HDAC9: variants seen among roughly 807,000 people sequenced by gnomAD.
HDAC9 encodes the protein MEF-2 interacting transcription repressor (MITR) protein.
HDAC9 carries 41 observed loss-of-function variants against 139.4 expected under a neutral mutation model. That is an observed-to-expected ratio of 0.29 (90% confidence interval 0.23 to 0.38). HDAC9 has a LOEUF of 0.38. Among genes scored for constraint, HDAC9 ranks in the 10% least tolerant of loss-of-function variants. HDAC9 has a pLI of 1.00. For synonymous variants in HDAC9, 517 were observed against 476.2 expected (o/e 1.09, Z -1.12); for missense variants, 1,147 against 1,297.0 (o/e 0.88, Z 1.78).
intron 2 of HDAC9, among the ~76,000 whole-genome samples, chr7:18,210,191 T>C (rs1275501241): frequency 6.6e-6 from 1 of 152,194 alleles, no homozygotes; most frequent in Non-Finnish European, 1.5e-5. Flanking sequence ...ATCCAGATAT[T>C]CTGTGGTGTT....
intron 2 of HDAC9, among the ~76,000 whole-genome samples, chr7:18,236,660 A>G (rs541881931): frequency 6.6e-6 from 1 of 152,316 alleles, no homozygotes; most frequent in South Asian, 2.1e-4. Flanking sequence ...AAACAGATGA[A>G]GTGAACAGAC....
chr7:18,348,359 A>C (rs538406404), intron 1 of HDAC9, among the ~76,000 whole-genome samples: 2 of 152,300 alleles, frequency 1.3e-5, no homozygotes, highest in South Asian at 4.1e-4. Flanking sequence ...CACTTACTAC[A>C]TGTGTGATTT....
intron 1 of HDAC9, among the ~76,000 whole-genome samples, chr7:18,366,493 G>A (rs1467267058): frequency 6.6e-6 from 1 of 152,066 alleles, no homozygotes; most frequent in Non-Finnish European, 1.5e-5. Context: ...TCTTCCATGG[G>A]TTCTGGTCCT....
intron 16 of HDAC9, among the ~76,000 whole-genome samples, chr7:18,768,458 C>T (rs1009773899): frequency 6.6e-6 from 1 of 152,120 alleles, no homozygotes. Context: ...TTTTGACCAC[C>T]AGCATGGGAC....
intron 1 of HDAC9, among the ~76,000 whole-genome samples, chr7:18,399,318 G>A (rs1003489731): frequency 6.6e-6 from 1 of 151,946 alleles, no homozygotes; most frequent in Non-Finnish European, 1.5e-5. Flanking sequence ...CAAGGGTGAG[G>A]GTTATCCCCA....
At chr7:18,389,207 C>T (rs1398742377) in intron 1 of HDAC9, among the ~76,000 whole-genome samples, 2 of 152,198 alleles carry the variant, frequency 1.3e-5, no homozygotes, top group Admixed American at 6.5e-5. Flanking sequence ...GCCTTTGTTA[C>T]AGTCCCAATT....
chr7:18,835,114 C>G (rs1298705575), intron 19 of HDAC9, among the ~76,000 whole-genome samples: 1 of 152,134 alleles, frequency 6.6e-6, no homozygotes, highest in Non-Finnish European at 1.5e-5. Flanking sequence ...GATTCCATCA[C>G]TGAAGCAAAG....
chr7:18,483,838 A>G (rs1278807133), intron 1 of HDAC9, among the ~76,000 whole-genome samples: 1 of 152,132 alleles, frequency 6.6e-6, no homozygotes, highest in Admixed American at 6.5e-5. Flanking sequence ...ACATTGTGTT[A>G]TTGGCACAGA....
intron 8 of HDAC9, among the ~76,000 whole-genome samples, chr7:18,642,744 T>C (rs1395188698): frequency 6.6e-6 from 1 of 152,112 alleles, no homozygotes; most frequent in Non-Finnish European, 1.5e-5. Flanking sequence ...AGCCAGTGTG[T>C]TGCTGCCATT....
chr7:18,395,616 T>C (rs1786955823), intron 1 of HDAC9, among the ~76,000 whole-genome samples: 1 of 152,066 alleles, frequency 6.6e-6, no homozygotes, highest in Non-Finnish European at 1.5e-5. Flanking sequence ...TCAAGTTTGA[T>C]TATTTTTTCC....
At chr7:18,931,804 G>A (rs936336789) in intron 22 of HDAC9, among the ~76,000 whole-genome samples, 2 of 152,080 alleles carry the variant, frequency 1.3e-5, no homozygotes, top group African/African-American at 4.8e-5. Flanking sequence ...TAAAGACTAT[G>A]ACAATTAAAA....
intron 17 of HDAC9, among the ~76,000 whole-genome samples, chr7:18,795,629 G>A (rs1792733102): frequency 6.6e-6 from 1 of 152,204 alleles, no homozygotes; most frequent in Non-Finnish European, 1.5e-5. Context: ...TCATAACAGA[G>A]GCACTGGTAC....
At chr7:18,561,854 G>GT (rs758668124) in intron 2 of HDAC9, among the ~76,000 whole-genome samples, 4 of 152,206 alleles carry the variant, frequency 2.6e-5, no homozygotes, top group Non-Finnish European at 5.9e-5. Context: ...CAGCAGATGT[G>GT]TATTTGGATT....
intron 2 of HDAC9, among the ~76,000 whole-genome samples, chr7:18,545,345 G>T (rs1469519560): frequency 6.6e-6 from 1 of 151,690 alleles, no homozygotes; most frequent in Non-Finnish European, 1.5e-5. Flanking sequence ...TCAAATACTT[G>T]GTGAATATCA....
intron 1 of HDAC9, among the ~76,000 whole-genome samples, chr7:18,333,246 T>TG (rs1255381379): frequency 9.2e-5 from 14 of 151,468 alleles, no homozygotes; most frequent in Admixed American, 4.6e-4. Flanking sequence ...TACCATTGGA[T>TG]GGGGTGAAGT....
At chr7:18,614,835 G>A (rs1838145478) in intron 6 of HDAC9, among the ~76,000 whole-genome samples, 1 of 152,124 alleles carries the variant, frequency 6.6e-6, no homozygotes, top group Middle Eastern at 3.2e-3. Context: ...TTCTAATTAA[G>A]GGTTTTAGCT....
chr7:18,791,994 A>T (rs1792357448), intron 16 of HDAC9, among the ~76,000 whole-genome samples: 1 of 152,120 alleles, frequency 6.6e-6, no homozygotes, highest in African/African-American at 2.4e-5. Context: ...CCATGATTTT[A>T]CCCCACCAGT....
intron 25 of HDAC9, among the ~76,000 whole-genome samples, chr7:18,980,715 C>CTCT (rs756067173): frequency 7.5e-6 from 1 of 133,466 alleles, no homozygotes. Context: ...TTCCTTCTTC[C>CTCT]TCTTCTTCTT....
At position 18,698,126 on chromosome 7, in the gene HDAC9, AT is replaced by A. The variant is rs1783192431; in HGVS notation, c.1732-29452del. On this transcript the variant is annotated intron_variant, in intron 12 of 25. Coordinates refer to ENST00000686413, the MANE Select transcript of HDAC9 (RefSeq NM_178425.4). ...AAATGCTTCACTAAACACATCAAAA[AT>A]TCTTTTTGATCAGAATTTAATATAA... Among the ~76,000 whole-genome samples, 3 of 152,306 alleles carry A rather than the reference AT, an allele frequency of 2.0e-5. No individual in the cohort carries two copies. In the South Asian group the frequency reaches 6.2e-4, roughly 32 times the overall value.
Sources: allele counts gnomAD v4.1 joint callset (sites outside exome capture counted in the v4.1 genomes callset), GRCh38; gene constraint gnomAD v4.1.1; transcripts MANE v1.5; gene names NCBI Gene and HGNC (gene_info 2026-07-23, HGNC 2026-07-21).